The following DISC1 variants were observed in gnomAD, a reference collection of about 807,000 sequenced individuals.
DISC1 encodes the protein DISC1 scaffold protein, also known as disrupted in schizophrenia 1 protein.
Under a neutral mutation model 84.5 loss-of-function variants are expected in DISC1, and 57 were observed. The observed-to-expected ratio is 0.67, with a 90% CI of 0.55 to 0.84. The LOEUF (loss-of-function observed/expected upper bound fraction) is 0.84, where lower values mean the gene tolerates loss of function less well. Among genes scored for constraint, DISC1 ranks in the 40% least tolerant of loss-of-function variants. The pLI is 0.00. For missense variants in DISC1, 1,000 were observed against 1,057.8 expected (o/e 0.95, Z 0.76); for synonymous variants, 411 against 415.2 (o/e 0.99, Z 0.12).
chr1:231,983,666 G>T (rs992232412), intron 10 of DISC1, among the ~76,000 whole-genome samples: 1 of 148,964 alleles, frequency 6.7e-6, no homozygotes, highest in African/African-American at 2.5e-5. Flanking sequence ...GAGGTGGGGT[G>T]GGACCCTTTC....
At chr1:231,830,556 CAG>C (rs980639810) in intron 9 of DISC1, among the ~76,000 whole-genome samples, 1 of 152,146 alleles carries the variant, frequency 6.6e-6, no homozygotes, top group Non-Finnish European at 1.5e-5. Context: ...CTTGGAAAAA[CAG>C]TGTAAACCGG....
At chr1:231,759,526 CAAAAAAAAAAAAA>C (rs767431903) in intron 4 of DISC1, among the ~76,000 whole-genome samples, 1 of 48,298 alleles carries the variant, frequency 2.1e-5, no homozygotes, top group African/African-American at 9.1e-5. Context: ...CCCATCTCTA[CAAAAAAAAAAAAA>C]AAAAAAAAAA....
chr1:231,903,850 C>T (rs1350882684), intron 9 of DISC1, among the ~76,000 whole-genome samples: 1 of 152,172 alleles, frequency 6.6e-6, no homozygotes, highest in Non-Finnish European at 1.5e-5. Flanking sequence ...GATGGGAAAC[C>T]ATTTCAGAGT....
intron 4 of DISC1, among the ~76,000 whole-genome samples, chr1:231,751,051 T>C (rs2074553046): frequency 6.6e-6 from 1 of 152,256 alleles, no homozygotes; most frequent in Non-Finnish European, 1.5e-5. Flanking sequence ...GAATGGCACC[T>C]GGTAGGTGCT....
chr1:231,925,577 C>G (rs148832714), intron 9 of DISC1, among the ~76,000 whole-genome samples: 56 of 152,292 alleles, frequency 3.7e-4, no homozygotes, highest in African/African-American at 1.3e-3. Flanking sequence ...TGTATCCCCA[C>G]CAATGATAAG....
chr1:232,017,325 G>A (rs1171978853), intron 11 of DISC1, among the ~76,000 whole-genome samples: 1 of 152,164 alleles, frequency 6.6e-6, no homozygotes, highest in Non-Finnish European at 1.5e-5. Context: ...CAACCATTAT[G>A]AGGCTCAAGT....
chr1:231,842,386 G>T (rs2083144482), intron 9 of DISC1, among the ~76,000 whole-genome samples: 1 of 152,288 alleles, frequency 6.6e-6, no homozygotes, highest in African/African-American at 2.4e-5. Flanking sequence ...AAGGTTTGCT[G>T]AGTTAGAACT....
chr1:231,636,626 A>AAGGTAAT (rs2059223748), intron 1 of DISC1, among the ~76,000 whole-genome samples: 1 of 152,148 alleles, frequency 6.6e-6, no homozygotes, highest in South Asian at 2.1e-4. Context: ...TGAAAAGCAT[A>AAGGTAAT]AGGTAATACA....
intron 4 of DISC1, 39 bp from the exon 5 acceptor site, chr1:231,767,101 T>C (rs2076225451): frequency 1.2e-6 from 2 of 1,603,480 alleles, no homozygotes; most frequent in East Asian, 2.2e-5. Context: ...GGATTTCAGC[T>C]TCTGCATACC....
intron 3 of DISC1, among the ~76,000 whole-genome samples, chr1:231,718,652 T>C (rs1440271009): frequency 2.0e-5 from 3 of 152,074 alleles, no homozygotes; most frequent in Non-Finnish European, 4.4e-5. Flanking sequence ...GCCAGGCTGG[T>C]CTCGAACTCC....
At chr1:231,721,086 T>C in intron 3 of DISC1, 1 of 1,289,752 alleles carries the variant, frequency 7.8e-7, no homozygotes, top group Non-Finnish European at 1.0e-6. Flanking sequence ...TGTCCTGATG[T>C]GAGAAATGAT....
Position 231,958,845 on chromosome 1 carries a change from A to G in DISC1, c.1999A>G (p.Asn667Asp). The G allele has an allele frequency of 6.2e-7, 1 of 1,613,822 alleles. No homozygotes were observed. The highest frequency in any genetic ancestry group is 8.5e-7 in the Non-Finnish European group (1 of 1,179,838). Residue 667 changes from asparagine to aspartate, a missense_variant, in exon 10 of 13, where the codon AAT (asparagine) becomes GAT (aspartate). Coordinates refer to ENST00000439617, the MANE Select transcript of DISC1 (RefSeq NM_018662.3). ...ETAYETSVKE[N>D]TMKYMETLKN... Reference sequence around the variant, plus strand: ...TCCCCCAGAAACAAGTGTGAAGGAAAATACTATGAAGTACATGGAAACACT... The same window carrying G: ...TCCCCCAGAAACAAGTGTGAAGGAAGATACTATGAAGTACATGGAAACACT...
rs9661550 is a variant in DISC1, at chr1:232,034,714, G to T, written c.2426-1978G>T. Among the ~76,000 whole-genome samples, 885 of 152,298 alleles carry T rather than the reference G, an allele frequency of 5.8e-3. 6 individuals carry two copies. Among genetic ancestry groups the T allele is most frequent in the African/African-American group, 0.02 (847 of 41,554 alleles). ...AAAGGTAATTAAATCTCAGGAGTTG[G>T]TCAGGATTCATAAACTGCTTAAGCT... On this transcript the variant is annotated intron_variant, in intron 12 of 12. Transcript: ENST00000439617.
At chr1:231,932,496 T>C (rs2090726425) in intron 9 of DISC1, among the ~76,000 whole-genome samples, 1 of 152,198 alleles carries the variant, frequency 6.6e-6, no homozygotes, top group African/African-American at 2.4e-5. Context: ...ATTTTACAAA[T>C]TAGGAAATGG....
At chr1:231,753,874 A>G (rs2074871657) in intron 4 of DISC1, among the ~76,000 whole-genome samples, 2 of 152,224 alleles carry the variant, frequency 1.3e-5, no homozygotes, top group African/African-American at 4.8e-5. Flanking sequence ...ACCCTAAATC[A>G]TTAATCTCAA....
chr1:231,818,734 C>G lies in DISC1; in HGVS notation c.1981+217C>G, dbSNP rs186501853. The G allele has an allele frequency of 5.9e-4, 824 of 1,402,262 alleles. 1 individual carries two copies. In the African/African-American group the frequency reaches 6.7e-3, roughly 11 times the overall value. The allele number at this position is 1,402,262 out of a possible 1,614,324, so 86.9% of individuals were successfully genotyped here. A position where few individuals can be genotyped will look rare whatever the true frequency, so the allele number is the denominator to read the frequency against. On this transcript the variant is annotated intron_variant, in intron 9 of 12. Transcript: ENST00000439617. Reference sequence around the variant, plus strand: ...TTCATATTCACATGTGACATCTTTTCTTTTTCTGTTCCCTGTCTCAACCTG... The same window carrying G: ...TTCATATTCACATGTGACATCTTTTGTTTTTCTGTTCCCTGTCTCAACCTG...
chr1:232,010,451 G>T (rs1222012584), intron 11 of DISC1, among the ~76,000 whole-genome samples: 1 of 152,138 alleles, frequency 6.6e-6, no homozygotes, highest in Admixed American at 6.5e-5. Flanking sequence ...GCAGTCAGAA[G>T]CCATGCCAGG....
intron 1 of DISC1, among the ~76,000 whole-genome samples, chr1:231,633,244 A>T (rs937003426): frequency 2.0e-5 from 3 of 152,256 alleles, no homozygotes; most frequent in Non-Finnish European, 4.4e-5. Flanking sequence ...CACACATTAG[A>T]AAGGTATCAC....
At chr1:231,787,450 C>T (rs1277256356) in intron 6 of DISC1, among the ~76,000 whole-genome samples, 1 of 151,574 alleles carries the variant, frequency 6.6e-6, no homozygotes, top group Non-Finnish European at 1.5e-5. Context: ...GAGAGAGAGA[C>T]AGAGAGAGAA....
Sources: gnomAD v4.1 joint callset for allele counts (sites outside exome capture counted in the v4.1 genomes callset) on GRCh38, gnomAD v4.1.1 for gene constraint, MANE v1.5 for transcripts, NCBI Gene and HGNC (gene_info 2026-07-23, HGNC 2026-07-21) for gene names.